The following EPB41L4A variants were observed in gnomAD, a reference collection of about 807,000 sequenced individuals.
The protein encoded by EPB41L4A is band 4.1-like protein 4A.
Under a neutral mutation model 108.6 loss-of-function variants are expected in EPB41L4A, and 100 were observed. That is an observed-to-expected ratio of 0.92 (90% CI 0.78 to 1.09). The LOEUF is 1.09. EPB41L4A is among the 50% of genes least tolerant of loss of function. The probability of loss-of-function intolerance (pLI) is 0.00; values close to 1 mark genes in which losing one functional copy is unlikely to be tolerated. For missense variants in EPB41L4A, 1,030 were observed against 842.7 expected, an observed-to-expected ratio of 1.22 and a Z score of -2.75; for synonymous variants, 319 against 289.0, an observed-to-expected ratio of 1.10 and a Z score of -1.05.
rs148541432 is a variant in EPB41L4A, at chr5:112,211,583, G to A, written c.1088-1601C>T. Among the ~76,000 whole-genome samples the A allele has an allele frequency of 1.4e-3, 203 of 143,972 alleles. 1 individual carries two copies. Among genetic ancestry groups the A allele is most frequent in the African/African-American group, 5.2e-3 (198 of 38,000 alleles). The allele number at this position is 143,972 out of a possible 152,430, so 94.5% of individuals were successfully genotyped here. ...AGCCCTGGCTACAGAGCGAGACTCCGTCTCAAAAAAAAAAAAAAAACCCAC... is the reference window on the plus strand; with the variant it reads ...AGCCCTGGCTACAGAGCGAGACTCCATCTCAAAAAAAAAAAAAAAACCCAC... On this transcript the variant is annotated intron_variant, in intron 12 of 22. Transcript: ENST00000261486.
At chr5:112,161,647 G>A (rs773753835), downstream of EPB41L4A, 1 of 518,560 alleles carries the variant, frequency 1.9e-6, no homozygotes, top group African/African-American at 1.9e-5. Context: ...GCGTGATCTT[G>A]ACCCTGCTAG....
At chr5:112,213,353 G>T (rs118178818) in intron 12 of EPB41L4A, among the ~76,000 whole-genome samples, 8,462 of 144,340 alleles carry the variant, frequency 0.059, 677 homozygotes, top group African/African-American at 0.19. Context: ...TTTTTTTTTT[G>T]TTTTTTTTTT....
intron 1 of EPB41L4A, among the ~76,000 whole-genome samples, chr5:112,348,220 C>A (rs1221628547): frequency 6.6e-6 from 1 of 152,158 alleles, no homozygotes; most frequent in Non-Finnish European, 1.5e-5. Context: ...CTCCTCAAGT[C>A]TTCTCCTTCA....
At chr5:112,231,975 C>T (rs904288508) in intron 12 of EPB41L4A, among the ~76,000 whole-genome samples, 4 of 151,720 alleles carry the variant, frequency 2.6e-5, no homozygotes, top group Non-Finnish European at 5.9e-5. Context: ...ATTAGCCGGG[C>T]GTGGTGGCGT....
At chr5:112,213,660 T>A (rs1747408868) in intron 12 of EPB41L4A, among the ~76,000 whole-genome samples, 2 of 152,154 alleles carry the variant, frequency 1.3e-5, no homozygotes, top group Non-Finnish European at 2.9e-5. Flanking sequence ...AGCCAACATG[T>A]ACAGTCTTTT....
intron 1 of EPB41L4A, among the ~76,000 whole-genome samples, chr5:112,362,346 T>G (rs1580761045): frequency 1.3e-5 from 2 of 149,202 alleles, no homozygotes; most frequent in East Asian, 2.0e-4. Flanking sequence ...AGTGGCACCA[T>G]CTCGGCTCAC....
intron 1 of EPB41L4A, among the ~76,000 whole-genome samples, chr5:112,369,300 A>T (rs1230116970): frequency 2.6e-5 from 4 of 152,260 alleles, no homozygotes; most frequent in African/African-American, 7.2e-5. Flanking sequence ...TCTTGTGTGG[A>T]CCACAGCAGT....
intron 12 of EPB41L4A, among the ~76,000 whole-genome samples, chr5:112,233,337 G>A (rs1413471212): frequency 1.3e-5 from 2 of 152,230 alleles, no homozygotes; most frequent in African/African-American, 2.4e-5. Flanking sequence ...AGGAAATGGT[G>A]AGAACACTTA....
chr5:112,403,719 C>T (rs1188877773), intron 1 of EPB41L4A, among the ~76,000 whole-genome samples: 2 of 152,304 alleles, frequency 1.3e-5, no homozygotes, highest in Middle Eastern at 3.4e-3. Flanking sequence ...CCTCCCACCT[C>T]GGCCTCCCAA....
intron 1 of EPB41L4A, among the ~76,000 whole-genome samples, chr5:112,357,491 C>A (rs1284672264): frequency 6.6e-6 from 1 of 152,198 alleles, no homozygotes; most frequent in African/African-American, 2.4e-5. Flanking sequence ...TGTGGCTTCA[C>A]AAAGATTTCC....
rs947732956 is a variant in EPB41L4A at position 112,168,606 on chromosome 5, A to C, written c.1932+133T>G. Reference sequence around the variant, plus strand: ...TCCATGATTTCTCCACGTTCTTTTAAAATACAGAATCTCAGAATGACATTA... The same window carrying C: ...TCCATGATTTCTCCACGTTCTTTTACAATACAGAATCTCAGAATGACATTA... On this transcript the variant is annotated intron_variant, in intron 22 of 22. Transcript: ENST00000261486. 1.2e-5 allele frequency: 8 copies of C among 670,596 alleles called. No individual in the cohort carries two copies. The Admixed American group carries it at 1.7e-4, about 14-fold the overall frequency. The allele number at this position is 670,596 out of a possible 1,614,324, so 41.5% of individuals were successfully genotyped here.
intron 1 of EPB41L4A, among the ~76,000 whole-genome samples, chr5:112,333,443 C>A (rs1389552453): frequency 1.3e-5 from 2 of 152,188 alleles, no homozygotes; most frequent in Non-Finnish European, 2.9e-5. Context: ...ACTGTGACAC[C>A]AAGCCCCAGG....
At chr5:112,248,881 C>T (rs1043421451) in intron 9 of EPB41L4A, among the ~76,000 whole-genome samples, 1 of 152,122 alleles carries the variant, frequency 6.6e-6, no homozygotes, top group Non-Finnish European at 1.5e-5. Flanking sequence ...CACAAGAATG[C>T]AATCCTGTAC....
At chr5:112,250,781 C>A (rs55913426) in intron 9 of EPB41L4A, 34,168 of 152,082 alleles carry the variant, frequency 0.22, 4,461 homozygotes, top group Non-Finnish European at 0.3. Flanking sequence ...AAGGTGATTC[C>A]ATGGTCCTTT....
At chr5:112,167,525 G>A (rs1174889500) in intron 22 of EPB41L4A, among the ~76,000 whole-genome samples, 1 of 152,044 alleles carries the variant, frequency 6.6e-6, no homozygotes, top group Non-Finnish European at 1.5e-5. Flanking sequence ...CCCCTCCCCA[G>A]GAACTGCCCT....
At chr5:112,354,376 A>C (rs1207952027) in intron 1 of EPB41L4A, among the ~76,000 whole-genome samples, 2 of 152,206 alleles carry the variant, frequency 1.3e-5, no homozygotes, top group Admixed American at 1.3e-4. Flanking sequence ...AAGTAAAATA[A>C]TGCAATAAGT....
intron 12 of EPB41L4A, among the ~76,000 whole-genome samples, chr5:112,146,349 CA>C (rs772758521): frequency 4.6e-5 from 7 of 152,148 alleles, no homozygotes; most frequent in Non-Finnish European, 7.4e-5. Context: ...TGGCTAAAAC[CA>C]AATACTAACA....
Position 112,398,933 on chromosome 5 carries a change from A to C in EPB41L4A, c.99+20008T>G, listed in dbSNP as rs891483632. Among the ~76,000 whole-genome samples the C allele has an allele frequency of 1.6e-4, 21 of 128,362 alleles. 1 individual carries two copies. The highest frequency in any genetic ancestry group is 9.0e-4 in the Admixed American group (13 of 14,372). The allele number at this position is 128,362 out of a possible 152,430, so 84.2% of individuals were successfully genotyped here. A position where few individuals can be genotyped will look rare whatever the true frequency, so the allele number is the denominator to read the frequency against. ...AAGCTAAGGGGAGTCTATCCTAGAA[A>C]AAAAAAAAAAAAAGTATGACATTAA... On this transcript the variant is annotated intron_variant, in intron 1 of 22. Coordinates refer to ENST00000261486, the MANE Select transcript of EPB41L4A (RefSeq NM_022140.5).
downstream of EPB41L4A, chr5:112,160,510 C>G (rs1438027382): frequency 1.3e-5 from 2 of 152,440 alleles, no homozygotes; most frequent in Non-Finnish European, 2.9e-5. Flanking sequence ...TCTTCCTCAG[C>G]TGGACTCATG....
Sources: gnomAD v4.1 joint callset for allele counts (sites outside exome capture counted in the v4.1 genomes callset) on GRCh38, gnomAD v4.1.1 for gene constraint, MANE v1.5 for transcripts, NCBI Gene and HGNC (gene_info 2026-07-23, HGNC 2026-07-21) for gene names.